Variants in FGF14 observed in about 807,000 individuals in gnomAD.
The protein encoded by FGF14 is fibroblast growth factor homologous factor 4.
In FGF14, 5 loss-of-function variants were observed where a neutral mutation model predicts 25.5. That is an observed-to-expected ratio of 0.20 (90% confidence interval 0.10 to 0.41). The LOEUF (loss-of-function observed/expected upper bound fraction) is 0.41. FGF14 is among the 10% of genes least tolerant of loss of function. The pLI, the probability that FGF14 is intolerant of heterozygous loss-of-function variation, is 1.00. For synonymous variants in FGF14, 138 were observed against 118.3 expected, an observed-to-expected ratio of 1.17 and a Z score of -1.08; for missense variants, 222 against 320.1, an observed-to-expected ratio of 0.69 and a Z score of 2.34.
At chr13:102,164,503 G>A (rs1301937577) in intron 1 of FGF14, among the ~76,000 whole-genome samples, 1 of 152,160 alleles carries the variant, frequency 6.6e-6, no homozygotes, top group African/African-American at 2.4e-5. Flanking sequence ...ATGGATCATG[G>A]ATGGTTTCCC....
At position 101,927,964 on chromosome 13, in the gene FGF14, A is replaced by G. The variant is rs779621524; in HGVS notation, c.209-52668T>C. On this transcript the variant is annotated intron_variant, in intron 1 of 4. Coordinates refer to the FGF14 transcript ENST00000376131. ...TCCTCCTCCCAACGGTAAGACACAT[A>G]TGCCCTCCGTCCCGTTTCCCTCTTT... Among the ~76,000 whole-genome samples the G allele has an allele frequency of 4.6e-5, 7 of 152,174 alleles. No individual in the cohort carries two copies. In the East Asian group the frequency reaches 1.3e-3, roughly 29 times the overall value.
intron 1 of FGF14, among the ~76,000 whole-genome samples, chr13:101,882,518 T>A (rs755008614): frequency 6.6e-6 from 1 of 151,158 alleles, no homozygotes; most frequent in Non-Finnish European, 1.5e-5. Context: ...AGCAGTAAAC[T>A]GGGAACTTTG....
At chr13:101,894,527 G>A (rs1026218520) in intron 1 of FGF14, among the ~76,000 whole-genome samples, 4 of 152,106 alleles carry the variant, frequency 2.6e-5, no homozygotes, top group African/African-American at 4.8e-5. Flanking sequence ...CACACCCAGC[G>A]CTACAGCTGC....
intron 1 of FGF14, among the ~76,000 whole-genome samples, chr13:102,341,614 A>G (rs1429059263): frequency 6.6e-6 from 1 of 152,170 alleles, no homozygotes; most frequent in Non-Finnish European, 1.5e-5. Context: ...AAATATTTGT[A>G]TGATTGAGAA....
chr13:102,288,490 C>T (rs1398762874), intron 1 of FGF14, among the ~76,000 whole-genome samples: 1 of 152,040 alleles, frequency 6.6e-6, no homozygotes, highest in Non-Finnish European at 1.5e-5. Flanking sequence ...AAAGTATCCA[C>T]TTTTTGCTTA....
At chr13:102,190,718 A>G (rs1379743076) in intron 1 of FGF14, among the ~76,000 whole-genome samples, 1 of 152,184 alleles carries the variant, frequency 6.6e-6, no homozygotes, top group East Asian at 1.9e-4. Flanking sequence ...ACATTGCAAG[A>G]ATGCTGCAGT....
At chr13:101,992,592 G>T (rs2038967634) in intron 1 of FGF14, among the ~76,000 whole-genome samples, 1 of 152,040 alleles carries the variant, frequency 6.6e-6, no homozygotes, top group South Asian at 2.1e-4. Context: ...TGAACAAGAT[G>T]TAAGAGAAGA....
At chr13:101,869,043 T>C (rs926512251) in intron 2 of FGF14, among the ~76,000 whole-genome samples, 12 of 152,214 alleles carry the variant, frequency 7.9e-5, no homozygotes, top group African/African-American at 2.9e-4. Context: ...GTGAGCAGTC[T>C]TGCTGACAGC....
chr13:102,299,114 T>A (rs992880510), intron 1 of FGF14, among the ~76,000 whole-genome samples: 2 of 152,132 alleles, frequency 1.3e-5, no homozygotes, highest in African/African-American at 4.8e-5. Flanking sequence ...CTAATCGAAG[T>A]TGAATAGTTC....
intron 1 of FGF14, among the ~76,000 whole-genome samples, chr13:101,994,485 A>C (rs2139691223): frequency 6.6e-6 from 1 of 152,138 alleles, no homozygotes; most frequent in East Asian, 1.9e-4. Context: ...ACAAATAACA[A>C]GACTTTTTGT....
intron 3 of FGF14, among the ~76,000 whole-genome samples, chr13:101,774,693 T>C (rs2038986151): frequency 6.6e-6 from 1 of 152,150 alleles, no homozygotes. Context: ...CAAGGTCATA[T>C]TCAGCTGAAT....
At chr13:101,946,743 C>T (rs1026577448) in intron 1 of FGF14, among the ~76,000 whole-genome samples, 1 of 152,358 alleles carries the variant, frequency 6.6e-6, no homozygotes, top group East Asian at 1.9e-4. Flanking sequence ...CCAAAGTCCT[C>T]CAAGTTCACT....
At position 101,711,266 on chromosome 13, in the gene FGF14, T is replaced by A. The variant is rs2034453692; in HGVS notation, c.*11565A>T. On this transcript the variant is annotated 3_prime_UTR_variant, in exon 5 of 5. Coordinates refer to ENST00000376143, the MANE Select transcript of FGF14 (RefSeq NM_004115.4). ...CGTCCAATCTTCTTACAGATGCTGT[T>A]GTGTGACAATGGCTGTAAACACATG... 1 of 152,232 alleles carries A rather than the reference T, an allele frequency of 6.6e-6. No homozygotes were observed. Among genetic ancestry groups the A allele is most frequent in the Non-Finnish European group, 1.5e-5 (1 of 68,056 alleles). The allele number at this position is 152,232 out of a possible 1,614,324, so 9.4% of individuals were successfully genotyped here.
chr13:101,821,093 C>T (rs1242841816), intron 3 of FGF14, among the ~76,000 whole-genome samples: 1 of 148,930 alleles, frequency 6.7e-6, no homozygotes, highest in Non-Finnish European at 1.5e-5. Context: ...GGAGTACAGG[C>T]GCCCGCTACC....
chr13:102,229,645 A>C (rs888920695), intron 1 of FGF14, among the ~76,000 whole-genome samples: 10 of 152,126 alleles, frequency 6.6e-5, no homozygotes, highest in African/African-American at 2.4e-4. Flanking sequence ...GTCCCTCCTC[A>C]GCCTCCTCTT....
intron 1 of FGF14, chr13:102,401,429 T>C (rs1279535776): frequency 1.9e-6 from 3 of 1,577,462 alleles, no homozygotes; most frequent in Non-Finnish European, 2.6e-6. Context: ...AACAGACAGG[T>C]TATTATGAGG....
chr13:101,961,388 T>C (rs1018661016), intron 1 of FGF14, among the ~76,000 whole-genome samples: 2 of 152,164 alleles, frequency 1.3e-5, no homozygotes, highest in Non-Finnish European at 2.9e-5. Flanking sequence ...AGAGGTCCAG[T>C]TTCAATTTTC....
At chr13:102,401,839 T>A, upstream of FGF14, 1 of 676,032 alleles carries the variant, frequency 1.5e-6, no homozygotes, top group Admixed American at 2.5e-5. Flanking sequence ...GAAAAAATCC[T>A]TTTTCAGCAT....
chr13:102,059,869 AC>A (rs201439913), intron 1 of FGF14, among the ~76,000 whole-genome samples: 9 of 151,262 alleles, frequency 5.9e-5, no homozygotes, highest in African/African-American at 1.5e-4. Context: ...AAAAACAAAA[AC>A]AAAAAAAAAA....
Sources: allele counts gnomAD v4.1 joint callset (sites outside exome capture counted in the v4.1 genomes callset), GRCh38; gene constraint gnomAD v4.1.1; transcripts MANE v1.5; gene names NCBI Gene and HGNC (gene_info 2026-07-23, HGNC 2026-07-21).